EXOC6B: variants seen among roughly 807,000 people sequenced by gnomAD.
The protein encoded by EXOC6B is SEC15 homolog B.
In EXOC6B, 54 loss-of-function variants were observed where a neutral mutation model predicts 113.5. That is an observed-to-expected ratio of 0.48 (90% confidence interval 0.38 to 0.60). The LOEUF (loss-of-function observed/expected upper bound fraction) is 0.60, where lower values mean the gene tolerates loss of function less well. Among genes scored for constraint, EXOC6B ranks in the 20% least tolerant of loss-of-function variants. EXOC6B has a pLI of 0.00. For missense variants in EXOC6B, 797 were observed against 977.5 expected, an observed-to-expected ratio of 0.82 and a Z score of 2.46; for synonymous variants, 357 against 339.0, an observed-to-expected ratio of 1.05 and a Z score of -0.58.
At chr2:72,538,843 T>C (rs943120163) in intron 8 of EXOC6B, among the ~76,000 whole-genome samples, 1 of 152,202 alleles carries the variant, frequency 6.6e-6, no homozygotes, top group Admixed American at 6.5e-5. Context: ...TTTCACTCTA[T>C]GTATAGTTCT....
intron 8 of EXOC6B, among the ~76,000 whole-genome samples, chr2:72,541,346 C>T (rs967449711): frequency 2.0e-5 from 3 of 152,150 alleles, no homozygotes; most frequent in Non-Finnish European, 4.4e-5. Context: ...AGGACTAATA[C>T]AGAATATGTG....
chr2:72,185,057 C>T lies in EXOC6B; in HGVS notation c.2197-870G>A, dbSNP rs375836773. On this transcript the variant is annotated intron_variant, in intron 20 of 21. Transcript: ENST00000272427. Reference sequence around the variant, plus strand: ...GCTTTCCTTCCCAGTCAGTTTTAGCCTCAGACATCACACTAACAAATATTC... The same window carrying T: ...GCTTTCCTTCCCAGTCAGTTTTAGCTTCAGACATCACACTAACAAATATTC... 9.8e-5 allele frequency among the ~76,000 whole-genome samples: 15 copies of T among 152,328 alleles called. 1 individual carries two copies. The highest frequency in any genetic ancestry group is 3.6e-4 in the African/African-American group (15 of 41,568).
intron 18 of EXOC6B, among the ~76,000 whole-genome samples, chr2:72,410,878 T>C (rs180945187): frequency 7.9e-5 from 12 of 152,344 alleles, no homozygotes; most frequent in Admixed American, 6.5e-4. Flanking sequence ...CAAGGAATTT[T>C]AGCTCTGGTA....
intron 20 of EXOC6B, among the ~76,000 whole-genome samples, chr2:72,304,693 T>C (rs6738521): frequency 0.24 from 36,533 of 152,146 alleles, 8,897 homozygotes; most frequent in African/African-American, 0.63. Context: ...AAAATACTCT[T>C]CATGGTATGA....
chr2:72,810,804 A>C (rs1685866862), intron 1 of EXOC6B, among the ~76,000 whole-genome samples: 1 of 152,220 alleles, frequency 6.6e-6, no homozygotes, highest in African/African-American at 2.4e-5. Context: ...CAGGCATAGT[A>C]GCACTTTGGA....
At chr2:72,373,844 G>A (rs991926000) in intron 19 of EXOC6B, among the ~76,000 whole-genome samples, 1 of 152,100 alleles carries the variant, frequency 6.6e-6, no homozygotes, top group Non-Finnish European at 1.5e-5. Context: ...CCACTATGGA[G>A]ACGGTGTGGT....
At chr2:72,757,830 C>G (rs911953573) in intron 1 of EXOC6B, among the ~76,000 whole-genome samples, 3 of 152,040 alleles carry the variant, frequency 2.0e-5, no homozygotes, top group African/African-American at 7.2e-5. Flanking sequence ...ATTCTAACTT[C>G]CTCTTGTAAT....
intron 8 of EXOC6B, among the ~76,000 whole-genome samples, chr2:72,543,659 C>T: frequency 6.6e-6 from 1 of 152,192 alleles, no homozygotes; most frequent in Non-Finnish European, 1.5e-5. Flanking sequence ...ACAGCTACTA[C>T]AAACCGGAGC....
At chr2:72,441,080 A>G (rs1696172326) in intron 18 of EXOC6B, among the ~76,000 whole-genome samples, 1 of 152,150 alleles carries the variant, frequency 6.6e-6, no homozygotes, top group Non-Finnish European at 1.5e-5. Flanking sequence ...GTCTTTCCAT[A>G]TTTAGTGCTT....
In EXOC6B at chr2:72,498,396, A is replaced by G. The variant is rs565510379; in HGVS notation, c.1337+58T>C. ...TCTGAAAACCTTTGCGCATAAATAC[A>G]TGTGTGTACACTAATGTACATGAAC... On this transcript the variant is annotated intron_variant, in intron 13 of 21. Coordinates refer to ENST00000272427, the MANE Select transcript of EXOC6B (RefSeq NM_015189.3). 7.6e-6 allele frequency: 9 copies of G among 1,180,428 alleles called. No homozygotes were observed. The East Asian group carries it at 1.9e-4, about 25-fold the overall frequency. 73.1% of individuals were successfully genotyped at this position (1,180,428 alleles called of 1,614,324 possible). A position where few individuals can be genotyped will look rare whatever the true frequency, so the allele number is the denominator to read the frequency against.
chr2:72,259,653 T>G (rs1360037974), intron 20 of EXOC6B, among the ~76,000 whole-genome samples: 1 of 152,208 alleles, frequency 6.6e-6, no homozygotes, highest in Admixed American at 6.5e-5. Flanking sequence ...CAACAATGTA[T>G]GAGAGCTCTA....
intron 19 of EXOC6B, among the ~76,000 whole-genome samples, chr2:72,377,111 A>G (rs1691409436): frequency 1.3e-5 from 2 of 152,170 alleles, no homozygotes; most frequent in Admixed American, 6.6e-5. Flanking sequence ...GCTTGGAATC[A>G]CTAATTATCA....
intron 20 of EXOC6B, among the ~76,000 whole-genome samples, chr2:72,312,837 G>A (rs1376317159): frequency 6.7e-6 from 1 of 150,278 alleles, no homozygotes; most frequent in Non-Finnish European, 1.5e-5. Context: ...TGAAAATGAG[G>A]ATTATCTAAC....
At chr2:72,739,341 T>C (rs913221295) in intron 2 of EXOC6B, among the ~76,000 whole-genome samples, 1 of 152,176 alleles carries the variant, frequency 6.6e-6, no homozygotes, top group South Asian at 2.1e-4. Flanking sequence ...AGCTCCTTTG[T>C]ATTTCTTCTT....
chr2:72,394,369 T>C lies in EXOC6B; in HGVS notation c.1981-14499A>G, dbSNP rs531296465. On this transcript the variant is annotated intron_variant, in intron 18 of 21. Transcript: ENST00000272427. Reference sequence around the variant, plus strand: ...GGAGAACAGACAATTAAGTGCTAAATTGAGCATAATATTATGAGGGCACAA... The same window carrying C: ...GGAGAACAGACAATTAAGTGCTAAACTGAGCATAATATTATGAGGGCACAA... Among the ~76,000 whole-genome samples, 387 of 152,232 alleles carry C rather than the reference T, an allele frequency of 2.5e-3. 2 individuals carry two copies. Among genetic ancestry groups the C allele is most frequent in the African/African-American group, 8.6e-3 (356 of 41,550 alleles).
At chr2:72,283,148 T>A (rs1376901783) in intron 20 of EXOC6B, among the ~76,000 whole-genome samples, 1 of 152,120 alleles carries the variant, frequency 6.6e-6, no homozygotes, top group African/African-American at 2.4e-5. Flanking sequence ...ATATACCATA[T>A]GCTAAGCCAA....
At chr2:72,485,656 G>A (rs1410362051) in intron 16 of EXOC6B, among the ~76,000 whole-genome samples, 2 of 152,150 alleles carry the variant, frequency 1.3e-5, no homozygotes, top group Non-Finnish European at 2.9e-5. Flanking sequence ...GTTTATATTT[G>A]ACTAGACTTA....
At chr2:72,387,799 G>T (rs1692135123) in intron 18 of EXOC6B, among the ~76,000 whole-genome samples, 1 of 151,502 alleles carries the variant, frequency 6.6e-6, no homozygotes, top group African/African-American at 2.4e-5. Context: ...CCACTATTGT[G>T]TCCATTTACT....
intron 8 of EXOC6B, among the ~76,000 whole-genome samples, chr2:72,535,411 T>C (rs1702226853): frequency 6.6e-6 from 1 of 152,182 alleles, no homozygotes; most frequent in Admixed American, 6.5e-5. Context: ...AGAATTCATA[T>C]TAGGGATATT....
Sources: allele counts gnomAD v4.1 joint callset (sites outside exome capture counted in the v4.1 genomes callset), GRCh38; gene constraint gnomAD v4.1.1; transcripts MANE v1.5; gene names NCBI Gene and HGNC (gene_info 2026-07-23, HGNC 2026-07-21).